BPTF: variants seen among roughly 807,000 people sequenced by gnomAD.
BPTF encodes bromodomain PHD finger transcription factor.
Under a neutral mutation model 292.5 loss-of-function variants are expected in BPTF, and 18 were observed. The ratio of observed to expected loss-of-function variants is 0.06; its 90% CI spans 0.04 to 0.09. The LOEUF is 0.09. Ranked by LOEUF, BPTF falls within the 10% of genes least tolerant of loss-of-function variation. The pLI is 1.00. For synonymous variants in BPTF, 1,225 were observed against 1,251.9 expected, an observed-to-expected ratio of 0.98 and a Z score of 0.45; for missense variants, 2,726 against 3,498.7, an observed-to-expected ratio of 0.78 and a Z score of 5.57.
chr17:67,861,960 C>T (rs531704099), intron 2 of BPTF, among the ~76,000 whole-genome samples: 15 of 152,166 alleles, frequency 9.9e-5, no homozygotes, highest in Admixed American at 5.2e-4. Flanking sequence ...AAACACCCAT[C>T]CTACCAATAG....
At chr17:67,972,268 C>T (rs2068846606) in intron 26 of BPTF, among the ~76,000 whole-genome samples, 1 of 152,036 alleles carries the variant, frequency 6.6e-6, no homozygotes, top group African/African-American at 2.4e-5. Flanking sequence ...AGGAATCTCA[C>T]TCTGTCACCC....
chr17:67,904,953 C>A, intron 9 of BPTF, 113 bp downstream of exon 9: 5 of 825,200 alleles, frequency 6.1e-6, no homozygotes, highest in Non-Finnish European at 8.9e-6. Context: ...AATTTTTATT[C>A]GTACTGCAGA....
At chr17:67,829,130 T>G (rs1160363934) in intron 1 of BPTF, among the ~76,000 whole-genome samples, 3 of 150,906 alleles carry the variant, frequency 2.0e-5, no homozygotes, top group African/African-American at 7.3e-5. Flanking sequence ...TGTTGTTTTT[T>G]CTAATTGGTT....
chr17:67,866,436 T>C (rs780196215), intron 2 of BPTF, 28 bp from the exon 3 acceptor site: 4 of 1,512,878 alleles, frequency 2.6e-6, no homozygotes, highest in African/African-American at 1.4e-5. Flanking sequence ...GTCTAACATA[T>C]AAAGTATTTC....
At chr17:67,980,982 ACC>A (rs1398387288) in intron 27 of BPTF, among the ~76,000 whole-genome samples, 2 of 151,998 alleles carry the variant, frequency 1.3e-5, no homozygotes, top group African/African-American at 4.8e-5. Flanking sequence ...ACATGGGGAA[ACC>A]CCATCCCTAC....
At chr17:67,949,307 G>A (rs1398799805) in intron 23 of BPTF, among the ~76,000 whole-genome samples, 2 of 152,166 alleles carry the variant, frequency 1.3e-5, no homozygotes, top group Non-Finnish European at 2.9e-5. Context: ...AGAGGTTGCA[G>A]TGAGCCTTGA....
rs2062717163 is a variant in BPTF, at chr17:67,912,449, G to C, written c.4565G>C (p.Cys1522Ser). Reference protein sequence around the residue: ...STQTTTPSASCPESNSVNQVE... With the variant: ...STQTTTPSASSPESNSVNQVE... ...CAGACGACCACACCCTCAGCATCTT[G>C]TCCAGAAAGCAATTCAGTTAATCAG... is the stretch of plus-strand genomic sequence containing the variant. The change falls in exon 11 of 28, where the codon TGT becomes TCT. Residue 1522 changes from cysteine to serine, a missense_variant. This residue lies in a region of BPTF where 713 missense variants were observed against 714.9 expected (regional missense o/e 1.00). Transcript: ENST00000306378. 1.2e-6 allele frequency: 2 copies of C among 1,613,722 alleles called. No homozygotes were observed. The highest frequency in any genetic ancestry group is 1.7e-5 in the Admixed American group (1 of 59,914).
chr17:67,912,431 C>G lies in BPTF; in HGVS notation c.4547C>G (p.Thr1516Ser). Residue 1516 changes from threonine to serine, a missense_variant, in exon 11 of 28, where the codon ACC becomes AGC. Around this residue, in one of 22 missense-constraint regions of BPTF, gnomAD observed 713 missense variants for 714.9 expected, o/e 1.00. Transcript: ENST00000306378. The part of the protein sequence containing the change: ...STKESDSTQT[T>S]TPSASCPESN... ...AAAGAGTCTGACAGTACACAGACGA[C>G]CACACCCTCAGCATCTTGTCCAGAA... The G allele has an allele frequency of 6.2e-7, 1 of 1,613,746 alleles. No individual in the cohort carries two copies. The highest frequency in any genetic ancestry group is 1.7e-5 in the Admixed American group (1 of 59,948).
intron 18 of BPTF, among the ~76,000 whole-genome samples, chr17:67,934,346 C>T (rs1056268052): frequency 5.3e-5 from 8 of 151,938 alleles, no homozygotes; most frequent in African/African-American, 1.7e-4. Context: ...GGTGAAACCC[C>T]TTCTCTACTA....
chr17:67,921,587 GT>G lies in BPTF; in HGVS notation c.5558-1248del, dbSNP rs1451263571. Among the ~76,000 whole-genome samples, 7 of 152,112 alleles carry G rather than the reference GT, an allele frequency of 4.6e-5. No individual in the cohort carries two copies. The East Asian group carries it at 1.2e-3, about 25-fold the overall frequency. On this transcript the variant is annotated intron_variant, in intron 13 of 27. Coordinates refer to ENST00000306378, the MANE Select transcript of BPTF (RefSeq NM_182641.4). ...TAATGTCCTTAGATAGAAACGTAGTGTTTTTATAAAAGTTAGTTCTCCCCAA... is the reference window on the plus strand; with the variant it reads ...TAATGTCCTTAGATAGAAACGTAGTGTTTTATAAAAGTTAGTTCTCCCCAA...
At chr17:67,827,423 G>A (rs1483231778) in intron 1 of BPTF, among the ~76,000 whole-genome samples, 1 of 152,042 alleles carries the variant, frequency 6.6e-6, no homozygotes, top group Non-Finnish European at 1.5e-5. Flanking sequence ...CCGGCCCCCC[G>A]CAAAAGGCTG....
At chr17:67,879,136 C>CTT (rs58205471) in intron 4 of BPTF, among the ~76,000 whole-genome samples, 3 of 118,998 alleles carry the variant, frequency 2.5e-5, no homozygotes, top group Non-Finnish European at 5.4e-5. Context: ...TTAATTATTT[C>CTT]TTTTTTTTTT....
chr17:67,918,012 C>T (rs1424092618), intron 11 of BPTF, among the ~76,000 whole-genome samples: 4 of 151,952 alleles, frequency 2.6e-5, no homozygotes, highest in East Asian at 1.9e-4. Context: ...GGGGTTTCAC[C>T]GTGGTCTCAA....
chr17:67,911,234 G>C lies in BPTF; in HGVS notation c.3350G>C (p.Ser1117Thr). 1 of 1,614,006 alleles carries C rather than the reference G, an allele frequency of 6.2e-7. No individual in the cohort carries two copies. ...ACGAAAGCAAAAGAAGGGTGTCAGA[G>C]TGACTCGATGAGACAAGAACAGAGC... is the stretch of plus-strand genomic sequence containing the variant. ...VITKAKEGCQ[S>T]DSMRQEQSPN... The change falls in exon 11 of 28, where the codon AGT becomes ACT. Residue 1117 changes from serine to threonine, a missense_variant. Ser to Thr is a moderately conservative substitution (Grantham distance 58). Transcript: ENST00000306378.
intron 19 of BPTF, among the ~76,000 whole-genome samples, chr17:67,941,267 A>G (rs1218683016): frequency 1.3e-5 from 2 of 152,162 alleles, no homozygotes; most frequent in Non-Finnish European, 2.9e-5. Flanking sequence ...CCTGACCAAC[A>G]TGGTGAAATT....
At chr17:67,920,198 G>T in intron 13 of BPTF, 55 bp downstream of exon 13, 1 of 1,540,718 alleles carries the variant, frequency 6.5e-7, no homozygotes, top group East Asian at 2.3e-5. Context: ...TGTATTTTAT[G>T]AATTGAAATT....
chr17:67,978,223 A>G (rs2069794359), intron 27 of BPTF, among the ~76,000 whole-genome samples: 1 of 151,738 alleles, frequency 6.6e-6, no homozygotes, highest in African/African-American at 2.4e-5. Context: ...CCTGAGCTCA[A>G]GCGATCCTCC....
At chr17:67,913,754 A>G (rs955118843) in intron 11 of BPTF, among the ~76,000 whole-genome samples, 12 of 152,170 alleles carry the variant, frequency 7.9e-5, no homozygotes, top group African/African-American at 2.7e-4. Context: ...CCTAATTTAA[A>G]ATTTTCTGGG....
At chr17:67,928,274 T>C in intron 15 of BPTF, 81 bp from the exon 16 acceptor site, 2 of 1,418,200 alleles carry the variant, frequency 1.4e-6, no homozygotes, top group Non-Finnish European at 1.9e-6. Context: ...TGAGAGAAAT[T>C]GTGGACAGAC....
Sources: gnomAD v4.1 joint callset for allele counts (sites outside exome capture counted in the v4.1 genomes callset) on GRCh38, gnomAD v4.1.1 for gene constraint, gnomAD v4.1.1 regional missense constraint, MANE v1.5 for transcripts, NCBI Gene and HGNC (gene_info 2026-07-23, HGNC 2026-07-21) for gene names.